Variants in KCNIP4 observed in about 807,000 individuals in gnomAD.
KCNIP4 encodes the protein Kv channel-interacting protein 4.
A neutral mutation model predicts 34.0 loss-of-function variants in KCNIP4; 12 were observed. That is an observed-to-expected ratio of 0.35 (90% CI 0.23 to 0.57). The LOEUF is 0.57. Ranked by LOEUF, KCNIP4 falls within the 20% of genes least tolerant of loss-of-function variation. The pLI is 0.83. For missense variants in KCNIP4, 238 were observed against 311.7 expected, an observed-to-expected ratio of 0.76 and a Z score of 1.78; for synonymous variants, 124 against 102.2, an observed-to-expected ratio of 1.21 and a Z score of -1.29.
At chr4:20,912,276 G>A (rs1347364410) in intron 1 of KCNIP4, among the ~76,000 whole-genome samples, 1 of 152,066 alleles carries the variant, frequency 6.6e-6, no homozygotes, top group Non-Finnish European at 1.5e-5. Context: ...ACATGATCTT[G>A]TATGTAGAAA....
At chr4:20,803,659 A>G (rs1714653364) in intron 3 of KCNIP4, among the ~76,000 whole-genome samples, 1 of 144,946 alleles carries the variant, frequency 6.9e-6, no homozygotes, top group Non-Finnish European at 1.5e-5. Context: ...CCCTATCTCA[A>G]TGAAAGAGAA....
chr4:21,503,973 A>G (rs906028148), intron 1 of KCNIP4, among the ~76,000 whole-genome samples: 5 of 152,212 alleles, frequency 3.3e-5, no homozygotes, highest in Admixed American at 2.0e-4. Flanking sequence ...CTAAACCACA[A>G]TCCAGTCCTA....
chr4:20,813,638 G>A (rs2149436167), intron 3 of KCNIP4, among the ~76,000 whole-genome samples: 1 of 152,232 alleles, frequency 6.6e-6, no homozygotes, highest in South Asian at 2.1e-4. Flanking sequence ...TTCTGTCAAA[G>A]CCAGGCAGGG....
chr4:21,684,551 T>G (rs1750662868), intron 1 of KCNIP4, among the ~76,000 whole-genome samples: 1 of 152,204 alleles, frequency 6.6e-6, no homozygotes. Flanking sequence ...AATATTGGCT[T>G]GTGAAGTAAC....
At chr4:21,308,728 GT>G (rs2109266273) in intron 1 of KCNIP4, among the ~76,000 whole-genome samples, 1 of 152,186 alleles carries the variant, frequency 6.6e-6, no homozygotes, top group African/African-American at 2.4e-5. Context: ...GTGTGTGTGT[GT>G]GTGTGTGTGT....
At chr4:21,076,525 T>G (rs1745499775) in intron 1 of KCNIP4, among the ~76,000 whole-genome samples, 2 of 152,172 alleles carry the variant, frequency 1.3e-5, no homozygotes. Flanking sequence ...CTTTTCAGCA[T>G]TTAGAAAATA....
chr4:21,462,765 TTG>T (rs57124779), intron 1 of KCNIP4, among the ~76,000 whole-genome samples: 15,262 of 145,382 alleles, frequency 0.1, 797 homozygotes, highest in Middle Eastern at 0.14. Flanking sequence ...TAGTATTCCA[TTG>T]TGTGTGTGTG....
At chr4:21,521,027 G>T (rs1325932875) in intron 1 of KCNIP4, among the ~76,000 whole-genome samples, 1 of 152,058 alleles carries the variant, frequency 6.6e-6, no homozygotes, top group African/African-American at 2.4e-5. Context: ...CATAATCACT[G>T]CATCTTCTTC....
intron 1 of KCNIP4, among the ~76,000 whole-genome samples, chr4:21,737,574 T>G (rs116828413): frequency 6.6e-6 from 1 of 152,142 alleles, no homozygotes; most frequent in Non-Finnish European, 1.5e-5. Context: ...AAAACAAGAA[T>G]GCATTCATAT....
chr4:21,585,381 C>T (rs1741535317), intron 1 of KCNIP4, among the ~76,000 whole-genome samples: 2 of 152,012 alleles, frequency 1.3e-5, no homozygotes, highest in African/African-American at 4.8e-5. Flanking sequence ...TATCTCAATC[C>T]AATTACTTAT....
chr4:21,436,946 A>G (rs1458584380), intron 1 of KCNIP4, among the ~76,000 whole-genome samples: 2 of 152,220 alleles, frequency 1.3e-5, no homozygotes, highest in Non-Finnish European at 2.9e-5. Flanking sequence ...TTACAAACCA[A>G]CAAGTCCATA....
At chr4:20,874,885 G>C (rs1320728825) in intron 2 of KCNIP4, among the ~76,000 whole-genome samples, 1 of 152,098 alleles carries the variant, frequency 6.6e-6, no homozygotes, top group Non-Finnish European at 1.5e-5. Flanking sequence ...TATTACAGCA[G>C]GGTTAAATGG....
chr4:21,378,266 T>C (rs1485635168), intron 1 of KCNIP4, among the ~76,000 whole-genome samples: 1 of 152,212 alleles, frequency 6.6e-6, no homozygotes, highest in Non-Finnish European at 1.5e-5. Context: ...TATATTTCAC[T>C]GCCTCTTTAA....
intron 1 of KCNIP4, among the ~76,000 whole-genome samples, chr4:21,118,942 G>T (rs1749912972): frequency 6.6e-6 from 1 of 152,140 alleles, no homozygotes. Context: ...ATGAAATCGT[G>T]AATTCAGTCA....
chr4:21,610,276 C>T (rs1053514046), intron 1 of KCNIP4, among the ~76,000 whole-genome samples: 9 of 152,244 alleles, frequency 5.9e-5, no homozygotes, highest in African/African-American at 2.2e-4. Flanking sequence ...GTTACTTCTG[C>T]AGACTATGAG....
intron 1 of KCNIP4, among the ~76,000 whole-genome samples, chr4:21,326,565 T>C (rs1463945424): frequency 6.6e-6 from 1 of 151,640 alleles, no homozygotes; most frequent in Non-Finnish European, 1.5e-5. Flanking sequence ...TCTTGTTTTT[T>C]TGTTTATTTT....
chr4:21,228,677 C>T (rs939265865), intron 1 of KCNIP4, among the ~76,000 whole-genome samples: 4 of 152,182 alleles, frequency 2.6e-5, no homozygotes, highest in Admixed American at 6.5e-5. Flanking sequence ...TCATTCAAGG[C>T]CAACAACTAC....
chr4:21,078,958 T>G (rs1745761394), intron 1 of KCNIP4, among the ~76,000 whole-genome samples: 1 of 152,096 alleles, frequency 6.6e-6, no homozygotes, highest in East Asian at 1.9e-4. Context: ...ACTCCATGCT[T>G]TACATCTGTA....
At chr4:21,635,925 G>C (rs1225218018) in intron 1 of KCNIP4, among the ~76,000 whole-genome samples, 1 of 151,868 alleles carries the variant, frequency 6.6e-6, no homozygotes, top group Non-Finnish European at 1.5e-5. Context: ...TTAAGAAAAT[G>C]TGGCACACAT....
Sources: allele counts gnomAD v4.1 joint callset (sites outside exome capture counted in the v4.1 genomes callset), GRCh38; gene constraint gnomAD v4.1.1; transcripts MANE v1.5; gene names NCBI Gene and HGNC (gene_info 2026-07-23, HGNC 2026-07-21).